Variants in TMEM87A observed in about 807,000 individuals in gnomAD.
TMEM87A encodes the protein transmembrane protein 87A.
Under a neutral mutation model 90.0 loss-of-function variants are expected in TMEM87A, and 50 were observed. The ratio of observed to expected loss-of-function variants is 0.56; its 90% confidence interval spans 0.44 to 0.70. The LOEUF is 0.70. Among genes scored for constraint, TMEM87A ranks in the 30% least tolerant of loss-of-function variants. The pLI, the probability that TMEM87A is intolerant of heterozygous loss-of-function variation, is 0.00. For synonymous variants in TMEM87A, 226 were observed against 226.7 expected, an observed-to-expected ratio of 1.00 and a Z score of 0.03; for missense variants, 577 against 660.5, an observed-to-expected ratio of 0.87 and a Z score of 1.39.
intron 7 of TMEM87A, among the ~76,000 whole-genome samples, chr15:42,242,905 G>GT (rs1157414497): frequency 6.6e-6 from 1 of 152,086 alleles, no homozygotes; most frequent in African/African-American, 2.4e-5. Context: ...AATACAGCCA[G>GT]TAAAGTCAGG....
upstream of TMEM87A, chr15:42,273,508 C>T (rs896888231): frequency 2.0e-6 from 3 of 1,520,128 alleles, no homozygotes; most frequent in African/African-American, 1.4e-5. Context: ...GGAAACGTCG[C>T]GGAGCTTGTT....
At chr15:42,265,199 A>AC (rs1309186121) in intron 3 of TMEM87A, among the ~76,000 whole-genome samples, 1 of 152,154 alleles carries the variant, frequency 6.6e-6, no homozygotes, top group African/African-American at 2.4e-5. Context: ...CGGTAGAATG[A>AC]TTTATATTAC....
intron 6 of TMEM87A, among the ~76,000 whole-genome samples, chr15:42,245,885 C>G (rs921975806): frequency 3.2e-4 from 49 of 152,246 alleles, no homozygotes; most frequent in African/African-American, 9.6e-4. Flanking sequence ...GGTATTAACT[C>G]CTTTGTAAAC....
Position 42,211,958 on chromosome 15 carries a change from C to G in TMEM87A, c.1627-209G>C, listed in dbSNP as rs555518601. ...GAACAACTAAATCAAAAGCTCTAGG[C>G]TTCTGGACAGAAAATCAGCACTCAG... On this transcript the variant is annotated intron_variant, in intron 19 of 19. Coordinates refer to ENST00000389834, the MANE Select transcript of TMEM87A (RefSeq NM_015497.5). Among the ~76,000 whole-genome samples the G allele has an allele frequency of 7.2e-5, 11 of 152,250 alleles. No individual in the cohort carries two copies. The East Asian group carries it at 2.1e-3, about 29-fold the overall frequency.
chr15:42,239,385 T>C (rs1223424773), intron 8 of TMEM87A, among the ~76,000 whole-genome samples: 1 of 152,070 alleles, frequency 6.6e-6, no homozygotes, highest in African/African-American at 2.4e-5. Flanking sequence ...AGAGTTGTAG[T>C]AAAAAGTGCC....
chr15:42,238,662 A>G (rs925074117), intron 8 of TMEM87A, among the ~76,000 whole-genome samples: 1 of 151,256 alleles, frequency 6.6e-6, no homozygotes, highest in African/African-American at 2.4e-5. Flanking sequence ...GGTGGAGGGT[A>G]GCTTCAGCCT....
chr15:42,267,090 A>T (rs2051421510), intron 3 of TMEM87A, among the ~76,000 whole-genome samples: 1 of 152,252 alleles, frequency 6.6e-6, no homozygotes, highest in Non-Finnish European at 1.5e-5. Flanking sequence ...CACTGAATTT[A>T]ACGGCTTCCA....
chr15:42,233,238 A>G lies in TMEM87A; in HGVS notation c.1037T>C (p.Met346Thr), dbSNP rs1276707697. The G allele has an allele frequency of 3.1e-6, 5 of 1,614,064 alleles. No individual in the cohort carries two copies. In the East Asian group the frequency reaches 6.7e-5, roughly 22 times the overall value. The change falls in exon 11 of 20, where the codon ATG (methionine) becomes ACG (threonine). Residue 346 changes from methionine (M) to threonine (T), a missense_variant. By Grantham distance (81) the Met-to-Thr change is moderately conservative (BLOSUM62 -1). Coordinates refer to ENST00000389834, the MANE Select transcript of TMEM87A (RefSeq NM_015497.5). ...AGALYLLFSG[M>T]EGVLRVTGAQ... is the part of the protein sequence containing the mutation. ...CCCAGTAACTCTGAGGACCCCTTCC[A>G]TGCCAGAGAACAAAAGATAGAGGGC...
rs1566931272 is a variant in TMEM87A, at chr15:42,239,700, G to A, written c.654C>T (p.Tyr218=). ...TCAAGGGATAGTCTTCAAGTGTGAG[G>A]TATTCATAGGGACCCTTCACTTCAA... is the stretch of plus-strand genomic sequence containing the variant. ...MTVEVKGPYE[Y]LTLEDYPLMI... is the part of the protein sequence containing the mutation. Residue 218 remains tyrosine (Y), a synonymous_variant, in exon 8 of 20, where the codon TAC becomes TAT. Coordinates refer to ENST00000389834, the MANE Select transcript of TMEM87A (RefSeq NM_015497.5). The A allele has an allele frequency of 1.2e-6, 2 of 1,613,896 alleles. No homozygotes were observed. The highest frequency in any genetic ancestry group is 2.2e-5 in the East Asian group (1 of 44,868).
chr15:42,229,112 C>T (rs112526872), intron 12 of TMEM87A, among the ~76,000 whole-genome samples: 3 of 152,192 alleles, frequency 2.0e-5, no homozygotes, highest in African/African-American at 7.2e-5. Context: ...AAGCGATCCT[C>T]CCACCTCAGC....
intron 7 of TMEM87A, among the ~76,000 whole-genome samples, chr15:42,243,145 G>C (rs2050902948): frequency 6.6e-6 from 1 of 152,054 alleles, no homozygotes; most frequent in Non-Finnish European, 1.5e-5. Context: ...GCGGGCGCCT[G>C]TAGTCCCAGC....
intron 15 of TMEM87A, among the ~76,000 whole-genome samples, chr15:42,220,796 T>C (rs1276322522): frequency 6.6e-6 from 1 of 152,140 alleles, no homozygotes; most frequent in East Asian, 1.9e-4. Context: ...TATTTATTTA[T>C]TTATTTATTT....
At chr15:42,267,232 G>A (rs1434334943) in intron 3 of TMEM87A, among the ~76,000 whole-genome samples, 1 of 152,108 alleles carries the variant, frequency 6.6e-6, no homozygotes, top group Non-Finnish European at 1.5e-5. Context: ...TTTTCTAAAT[G>A]ACCAATAAAT....
intron 4 of TMEM87A, among the ~76,000 whole-genome samples, chr15:42,263,725 C>G (rs8040580): frequency 0.94 from 143,312 of 152,282 alleles, 67,978 homozygotes; most frequent in Non-Finnish European, 1. Flanking sequence ...TCCAGCCTGG[C>G]GGACAGAGCA....
intron 15 of TMEM87A, among the ~76,000 whole-genome samples, chr15:42,225,313 A>G (rs954340058): frequency 5.4e-4 from 81 of 151,142 alleles, no homozygotes; most frequent in African/African-American, 2.0e-3. Flanking sequence ...GGGGGGGGGG[A>G]AGGCATAATC....
chr15:42,260,702 G>A (rs1160417430), intron 6 of TMEM87A, among the ~76,000 whole-genome samples: 1 of 152,026 alleles, frequency 6.6e-6, no homozygotes, highest in Non-Finnish European at 1.5e-5. Context: ...GTTTCTTCCT[G>A]TTTACAGATA....
chr15:42,255,929 C>T (rs1595740569), intron 6 of TMEM87A, among the ~76,000 whole-genome samples: 1 of 126,304 alleles, frequency 7.9e-6, no homozygotes, highest in Non-Finnish European at 1.6e-5. Context: ...GCCACCACAC[C>T]CAGCTAATTT....
chr15:42,218,292 G>C, intron 18 of TMEM87A, 31 bp downstream of exon 18: 1 of 1,608,430 alleles, frequency 6.2e-7, no homozygotes, highest in Non-Finnish European at 8.5e-7. Flanking sequence ...CTTTGAAATA[G>C]GATTCTTGTG....
At chr15:42,244,379 C>G (rs1484773490) in intron 6 of TMEM87A, among the ~76,000 whole-genome samples, 1 of 152,002 alleles carries the variant, frequency 6.6e-6, no homozygotes, top group East Asian at 1.9e-4. Context: ...GATACCATGT[C>G]TTGTACACAA....
Sources: allele counts gnomAD v4.1 joint callset (sites outside exome capture counted in the v4.1 genomes callset), GRCh38; gene constraint gnomAD v4.1.1; transcripts MANE v1.5; gene names NCBI Gene and HGNC (gene_info 2026-07-23, HGNC 2026-07-21).